KIF13A: variants seen among roughly 807,000 people sequenced by gnomAD.
The protein encoded by KIF13A is kinesin family member 13A, also known as kinesin-like protein KIF13A.
KIF13A carries 79 observed loss-of-function variants against 212.2 expected under a neutral mutation model. That is an observed-to-expected ratio of 0.37 (90% confidence interval 0.31 to 0.45). KIF13A has a LOEUF of 0.45. Among genes scored for constraint, KIF13A ranks in the 20% least tolerant of loss-of-function variants. The probability of loss-of-function intolerance (pLI) is 1.00; values close to 1 mark genes in which losing one functional copy is unlikely to be tolerated. For missense variants in KIF13A, 1,901 were observed against 2,209.0 expected (o/e 0.86, Z 2.79); for synonymous variants, 789 against 808.6 (o/e 0.98, Z 0.41).
intron 18 of KIF13A, among the ~76,000 whole-genome samples, 190 bp downstream of exon 18, chr6:17,808,578 C>T (rs1209894768): frequency 6.6e-6 from 1 of 152,130 alleles, no homozygotes; most frequent in East Asian, 1.9e-4. Context: ...CTGCTTATTA[C>T]ATATCTAAGA....
In KIF13A at chr6:17,961,707, A is replaced by G. The variant is rs541179318; in HGVS notation, c.146+25347T>C. Among the ~76,000 whole-genome samples, 1 of 152,144 alleles carries G rather than the reference A, an allele frequency of 6.6e-6. No homozygotes were observed. Among genetic ancestry groups the G allele is most frequent in the East Asian group, 1.9e-4 (1 of 5,190 alleles). ...TCTTATATACAATTGTATAACAGTT[A>G]TTTTCCTGTTTGCATGGGCTTCTAG... On this transcript the variant is annotated intron_variant, in intron 2 of 38. Coordinates refer to ENST00000259711, the MANE Select transcript of KIF13A (RefSeq NM_022113.6). This position sits in a 1 kb window ranked among gnomAD's most constrained non-coding sequence, Gnocchi z 4.1.
chr6:17,906,178 A>G (rs899059112), intron 2 of KIF13A, among the ~76,000 whole-genome samples: 10 of 152,210 alleles, frequency 6.6e-5, no homozygotes, highest in Non-Finnish European at 1.3e-4. Context: ...TTTTCTGAAC[A>G]TGTGAAGAAG....
chr6:17,865,884 G>A (rs933319659), intron 4 of KIF13A, among the ~76,000 whole-genome samples: 15 of 152,198 alleles, frequency 9.9e-5, no homozygotes, highest in Non-Finnish European at 2.1e-4. Context: ...TGGCACGGCT[G>A]ACTCATCCAG....
chr6:17,927,138 CA>C (rs71002286), intron 2 of KIF13A, among the ~76,000 whole-genome samples: 103,010 of 143,788 alleles, frequency 0.72, 36,725 homozygotes, highest in South Asian at 0.83. Flanking sequence ...GACTCTGTCT[CA>C]AAAAAAAAAA....
At chr6:17,975,195 TA>T (rs564880271) in intron 2 of KIF13A, among the ~76,000 whole-genome samples, 1 of 151,306 alleles carries the variant, frequency 6.6e-6, no homozygotes, top group African/African-American at 2.4e-5. Context: ...AATAAAAAAA[TA>T]AAAAAAAACT....
Position 17,984,791 on chromosome 6 carries a change from T to TGCA in KIF13A, c.146+2260_146+2262dup, listed in dbSNP as rs1781405144. Among the ~76,000 whole-genome samples, 1 of 152,226 alleles carries TGCA rather than the reference T, an allele frequency of 6.6e-6. No individual in the cohort carries two copies. Among genetic ancestry groups the TGCA allele is most frequent in the Non-Finnish European group, 1.5e-5 (1 of 68,040 alleles). Reference sequence around the variant, plus strand: ...CCTCTTACACTTCAAACCTTGGACTTGCAGATATGAAAAATAATAACATTC... The same window carrying TGCA: ...CCTCTTACACTTCAAACCTTGGACTTGCAGCAGATATGAAAAATAATAACATTC... On this transcript the variant is annotated intron_variant, in intron 2 of 38. Transcript: ENST00000259711. This position sits in a 1 kb window ranked among gnomAD's most constrained non-coding sequence, Gnocchi z 5.0.
At position 17,829,568 on chromosome 6, in the gene KIF13A, T is replaced by TA. The variant is rs1765256057; in HGVS notation, c.1402-1199dup. On this transcript the variant is annotated intron_variant, in intron 13 of 38. Coordinates refer to ENST00000259711, the MANE Select transcript of KIF13A (RefSeq NM_022113.6). This position sits in a 1 kb window ranked among gnomAD's most constrained non-coding sequence, Gnocchi z 5.4. ...ATTTTAAGTACCTGAACCTCAGACA[T>TA]ACGAGGACTGTGACTATTGGTGATT... Among the ~76,000 whole-genome samples the TA allele has an allele frequency of 6.6e-6, 1 of 152,184 alleles. No individual in the cohort carries two copies. Among genetic ancestry groups the TA allele is most frequent in the African/African-American group, 2.4e-5 (1 of 41,444 alleles).
In KIF13A at chr6:17,771,544, C is replaced by T. The variant is rs189786829; in HGVS notation, c.4477-326G>A. The T allele has an allele frequency of 5.4e-6, 2 of 369,988 alleles. No homozygotes were observed. The highest frequency in any genetic ancestry group is 4.5e-5 in the East Asian group (1 of 22,136). 22.9% of individuals were successfully genotyped at this position (369,988 alleles called of 1,614,324 possible). ...GAGTTTCAGACCAGCCTGGGCAACA[C>T]AGCAAGACCCTATCTCTATAAAAAA... is the stretch of plus-strand genomic sequence containing the variant. On this transcript the variant is annotated intron_variant, in intron 37 of 38. Transcript: ENST00000259711. This position sits in a 1 kb window ranked among gnomAD's most constrained non-coding sequence, Gnocchi z 5.4.
At chr6:17,938,701 T>C (rs1328128694) in intron 2 of KIF13A, among the ~76,000 whole-genome samples, 1 of 152,194 alleles carries the variant, frequency 6.6e-6, no homozygotes, top group East Asian at 1.9e-4. Flanking sequence ...TGAACTATAA[T>C]GGATTCAACA....
intron 20 of KIF13A, among the ~76,000 whole-genome samples, chr6:17,801,751 C>A (rs962818644): frequency 3.3e-5 from 5 of 152,128 alleles, no homozygotes; most frequent in African/African-American, 1.2e-4. Flanking sequence ...GTAACTCAGA[C>A]TGGGGCTGGG....
intron 2 of KIF13A, among the ~76,000 whole-genome samples, chr6:17,928,933 TTA>T (rs1307872822): frequency 6.6e-6 from 1 of 151,734 alleles, no homozygotes; most frequent in Admixed American, 6.6e-5. Flanking sequence ...TGGAAAGAAT[TTA>T]ATGTAAGATC....
rs555141573 is a variant in KIF13A, at chr6:17,849,621, G to A, written c.718-132C>T. The A allele has an allele frequency of 1.8e-5, 10 of 558,534 alleles. No homozygotes were observed. The highest frequency in any genetic ancestry group is 4.7e-4 in the Middle Eastern group (1 of 2,136). 34.6% of individuals were successfully genotyped at this position (558,534 alleles called of 1,614,324 possible). ...TGGCAAATTTCTTAAGTTTTTAAAC[G>A]GTCAGAAGAGTTATTTGAACCAGCA... On this transcript the variant is annotated intron_variant, in intron 8 of 38. Coordinates refer to ENST00000259711, the MANE Select transcript of KIF13A (RefSeq NM_022113.6). The surrounding 1 kb of genome is among the most constrained non-coding windows in gnomAD (Gnocchi z 5.7).
chr6:17,918,691 A>T lies in KIF13A; in HGVS notation c.147-20511T>A, dbSNP rs1774762666. On this transcript the variant is annotated intron_variant, in intron 2 of 38. Transcript: ENST00000259711. This position sits in a 1 kb window ranked among gnomAD's most constrained non-coding sequence, Gnocchi z 4.8. ...ACTCCCATCCCCAGGCATCTGCACA[A>T]GAAGCTCCCTCTGCCTGGAAAGCCC... Among the ~76,000 whole-genome samples, 1 of 152,112 alleles carries T rather than the reference A, an allele frequency of 6.6e-6. No homozygotes were observed. Among genetic ancestry groups the T allele is most frequent in the African/African-American group, 2.4e-5 (1 of 41,418 alleles).
At chr6:17,827,042 A>G (rs1258984651) in intron 14 of KIF13A, among the ~76,000 whole-genome samples, 4 of 151,890 alleles carry the variant, frequency 2.6e-5, no homozygotes, top group Admixed American at 6.6e-5. Flanking sequence ...AGCCCGGGCA[A>G]CAGAGTGAGA....
At chr6:17,896,136 G>A (rs1772541316) in intron 3 of KIF13A, among the ~76,000 whole-genome samples, 1 of 152,012 alleles carries the variant, frequency 6.6e-6, no homozygotes, top group Non-Finnish European at 1.5e-5. Flanking sequence ...TGGGTTTTAT[G>A]TCCCCCGAAT....
rs903321656 is a variant in KIF13A at position 17,769,229 on chromosome 6, G to A, written c.4581+1885C>T. The stretch of plus-strand genomic sequence containing the variant: ...TCCCAAAGAGAAACAAGAACCTCAG[G>A]TCAAACAAATAATGCACTTAATCTC... On this transcript the variant is annotated intron_variant, in intron 38 of 38. Transcript: ENST00000259711. This position sits in a 1 kb window ranked among gnomAD's most constrained non-coding sequence, Gnocchi z 5.8. Among the ~76,000 whole-genome samples the A allele has an allele frequency of 2.0e-5, 3 of 152,148 alleles. No homozygotes were observed. The highest frequency in any genetic ancestry group is 7.2e-5 in the African/African-American group (3 of 41,442).
chr6:17,925,614 C>G (rs1267429920), intron 2 of KIF13A, among the ~76,000 whole-genome samples: 4 of 152,184 alleles, frequency 2.6e-5, no homozygotes, highest in Admixed American at 2.0e-4. Context: ...GGACACTTTA[C>G]TGGGAGAGAA....
At chr6:17,760,439 C>A (rs1758536267), downstream of KIF13A, 1 of 160,636 alleles carries the variant, frequency 6.2e-6, no homozygotes, top group African/African-American at 2.4e-5. Context: ...ATTTCATATA[C>A]ATAATATATA....
Position 17,987,565 on chromosome 6 carries a change from G to T in KIF13A, c.-102C>A. 1.7e-6 allele frequency: 1 copy of T among 574,856 alleles called. No individual in the cohort carries two copies. The highest frequency in any genetic ancestry group is 2.2e-6 in the Non-Finnish European group (1 of 457,306). The allele number at this position is 574,856 out of a possible 1,614,324, so 35.6% of individuals were successfully genotyped here. A position where few individuals can be genotyped will look rare whatever the true frequency, so the allele number is the denominator to read the frequency against. On this transcript the variant is annotated 5_prime_UTR_variant, in exon 1 of 39. Coordinates refer to ENST00000259711, the MANE Select transcript of KIF13A (RefSeq NM_022113.6). This position sits in a 1 kb window ranked among gnomAD's most constrained non-coding sequence, Gnocchi z 7.7. The stretch of plus-strand genomic sequence containing the variant: ...TGCAGCCGCGCGCCCCTCGAGCGCG[G>T]CCGCCGCCGCTCCGCCGTGAGCTCC...
Sources: gnomAD v4.1 joint callset for allele counts (sites outside exome capture counted in the v4.1 genomes callset) on GRCh38, gnomAD v4.1.1 for gene constraint, Gnocchi (gnomAD v3.1) non-coding constraint, MANE v1.5 for transcripts, NCBI Gene and HGNC (gene_info 2026-07-23, HGNC 2026-07-21) for gene names.